The following KIF21A variants were observed in gnomAD, a reference collection of about 807,000 sequenced individuals.
KIF21A encodes the protein kinesin family member 21A, also known as kinesin-like protein KIF21A.
KIF21A carries 114 observed loss-of-function variants against 202.9 expected under a neutral mutation model. The ratio of observed to expected loss-of-function variants is 0.56; its 90% CI spans 0.48 to 0.66. The LOEUF is 0.66. KIF21A is among the 30% of genes least tolerant of loss of function. The pLI is 0.00. For missense variants in KIF21A, 1,677 were observed against 1,994.9 expected (o/e 0.84, Z 3.04); for synonymous variants, 667 against 670.8 (o/e 0.99, Z 0.09).
At chr12:39,398,214 ATTGAATCTTGGT>A (rs1397427277) in intron 1 of KIF21A, among the ~76,000 whole-genome samples, 7 of 152,248 alleles carry the variant, frequency 4.6e-5, no homozygotes, top group Non-Finnish European at 1.0e-4. Context: ...GAGAAAGGCC[ATTGAATCTTGGT>A]TTCAAGTGGC....
chr12:39,424,374 T>A (rs1275890313), intron 1 of KIF21A, among the ~76,000 whole-genome samples: 1 of 152,160 alleles, frequency 6.6e-6, no homozygotes, highest in Non-Finnish European at 1.5e-5. Flanking sequence ...TCTTTCCCCA[T>A]AAGTCTTCTC....
intron 1 of KIF21A, among the ~76,000 whole-genome samples, chr12:39,428,728 GGT>G (rs966078072): frequency 6.6e-6 from 1 of 152,142 alleles, no homozygotes; most frequent in African/African-American, 2.4e-5. Context: ...GGGAGGCCGA[GGT>G]GGGCGGATCA....
intron 12 of KIF21A, among the ~76,000 whole-genome samples, chr12:39,345,169 C>T (rs549658483): frequency 9.3e-4 from 141 of 152,314 alleles, no homozygotes; most frequent in Non-Finnish European, 1.7e-3. Context: ...TCTGCTTTTG[C>T]TGTCCTTCAG....
intron 33 of KIF21A, among the ~76,000 whole-genome samples, chr12:39,308,135 A>T (rs1943655051): frequency 6.6e-6 from 1 of 152,048 alleles, no homozygotes; most frequent in African/African-American, 2.4e-5. Flanking sequence ...TTGGAGGCTG[A>T]GGTGGGTGGA....
At chr12:39,371,743 A>G (rs1198056807) in intron 1 of KIF21A, among the ~76,000 whole-genome samples, 2 of 152,118 alleles carry the variant, frequency 1.3e-5, no homozygotes, top group Non-Finnish European at 2.9e-5. Flanking sequence ...CAGCCTGGCC[A>G]ACATGGTGAA....
At position 39,351,848 on chromosome 12, in the gene KIF21A, G is replaced by T. The variant is rs1469382337; in HGVS notation, c.1602C>A (p.Thr534=). 6.2e-7 allele frequency: 1 copy of T among 1,607,350 alleles called. No individual in the cohort carries two copies. Among genetic ancestry groups the T allele is most frequent in the Non-Finnish European group, 8.5e-7 (1 of 1,174,580 alleles). Residue 534 remains threonine (T), a synonymous_variant, in exon 11 of 38, where the codon ACC becomes ACA. Coordinates refer to ENST00000361418, the MANE Select transcript of KIF21A (RefSeq NM_001173464.2). The part of the protein sequence containing the change: ...SPTILSSDKE[T]IEIIDLAKKD... ...TTTTTGCTAGGTCTATAATTTCAAT[G>T]GTTTCTTTGTCTGAGGATAGTATGG...
At chr12:39,295,344 T>C (rs1256271778) in intron 37 of KIF21A, among the ~76,000 whole-genome samples, 1 of 152,190 alleles carries the variant, frequency 6.6e-6, no homozygotes. Flanking sequence ...GTTAAAGAAA[T>C]GTTTCTTTTT....
At chr12:39,300,373 C>T (rs1052583686) in intron 37 of KIF21A, among the ~76,000 whole-genome samples, 2 of 151,666 alleles carry the variant, frequency 1.3e-5, no homozygotes, top group African/African-American at 2.4e-5. Flanking sequence ...AAGGTAAGCA[C>T]GTTAGAAAAA....
chr12:39,440,450 T>C (rs1331460489), intron 1 of KIF21A, among the ~76,000 whole-genome samples: 4 of 152,192 alleles, frequency 2.6e-5, no homozygotes, highest in Admixed American at 2.6e-4. Flanking sequence ...AGTCACAGAT[T>C]GTTATGAGGA....
At chr12:39,316,033 AC>A in intron 29 of KIF21A, 63 bp from the exon 30 acceptor site, 1 of 1,111,576 alleles carries the variant, frequency 9.0e-7, no homozygotes, top group Non-Finnish European at 1.4e-6. Context: ...AAGGACACTG[AC>A]TTTGGACTCA....
intron 33 of KIF21A, among the ~76,000 whole-genome samples, chr12:39,308,249 G>A (rs141375185): frequency 0.011 from 1,667 of 151,854 alleles, 40 homozygotes; most frequent in African/African-American, 0.036. Flanking sequence ...TTAGCTGGGG[G>A]TGGTGGTGCG....
chr12:39,360,527 C>T lies in KIF21A; in HGVS notation c.1020-2154G>A, dbSNP rs193043298. 1.0e-3 allele frequency among the ~76,000 whole-genome samples: 159 copies of T among 152,008 alleles called. 2 individuals are homozygous for T. The East Asian group carries it at 0.029, about 27-fold the overall frequency. ...GCCTCAGCCTCCCAAGTAGCTGTGA[C>T]TACAGGTGCCCACCACCATGCCCAG... On this transcript the variant is annotated intron_variant, in intron 7 of 37. Transcript: ENST00000361418.
chr12:39,416,813 G>GTA (rs531554239), intron 1 of KIF21A, among the ~76,000 whole-genome samples: 7,544 of 98,286 alleles, frequency 0.077, 997 homozygotes, highest in African/African-American at 0.17. Context: ...ATATATATGT[G>GTA]TGTATATATG....
intron 1 of KIF21A, among the ~76,000 whole-genome samples, chr12:39,400,038 C>G (rs1273304611): frequency 3.9e-5 from 6 of 152,182 alleles, no homozygotes; most frequent in African/African-American, 9.7e-5. Context: ...CGACACAAAG[C>G]TCTTTGCTAA....
At position 39,442,914 on chromosome 12, in the gene KIF21A, A is replaced by C. The variant is rs1048789833; in HGVS notation, c.44+13T>G. The C allele has an allele frequency of 5.9e-6, 9 of 1,524,392 alleles. No individual in the cohort carries two copies. The highest frequency in any genetic ancestry group is 1.2e-5 in the South Asian group (1 of 83,098). 94.4% of individuals were successfully genotyped at this position (1,524,392 alleles called of 1,614,324 possible). ...CCGCCGCCCGCCGCCCGCCGCCGGC[A>C]GACTGTCCTCACCTGACAGCCACCC... On this transcript the variant is annotated intron_variant, in intron 1 of 37. Coordinates refer to ENST00000361418, the MANE Select transcript of KIF21A (RefSeq NM_001173464.2). This position sits in a 1 kb window ranked among gnomAD's most constrained non-coding sequence, Gnocchi z 5.0.
At position 39,322,755 on chromosome 12, in the gene KIF21A, A is replaced by T; in HGVS notation, c.3584T>A (p.Ile1195Asn). The T allele has an allele frequency of 6.2e-7, 1 of 1,614,130 alleles. No individual in the cohort carries two copies. Among genetic ancestry groups the T allele is most frequent in the Non-Finnish European group, 8.5e-7 (1 of 1,180,018 alleles). ...ACCACTTGTCTCTGTATTCATTCCA[A>T]TCTCTTGCCCTTCTGCAACAGGTGT... ...PLTPVAEGQE[I>N]GMNTETSGTS... is the part of the protein sequence containing the mutation. Residue 1195 changes from isoleucine (I) to asparagine (N), a missense_variant, in exon 27 of 38, where the codon ATT becomes AAT. By Grantham distance (149) the Ile-to-Asn change is moderately radical (BLOSUM62 -3). Coordinates refer to ENST00000361418, the MANE Select transcript of KIF21A (RefSeq NM_001173464.2).
At chr12:39,409,953 T>C (rs566317437) in intron 1 of KIF21A, among the ~76,000 whole-genome samples, 4 of 151,998 alleles carry the variant, frequency 2.6e-5, no homozygotes, top group Non-Finnish European at 5.9e-5. Context: ...CACCTCAGCT[T>C]CCCAAGCAGC....
intron 24 of KIF21A, 138 bp downstream of exon 24, chr12:39,330,104 T>C (rs1946378089): frequency 1.3e-6 from 1 of 741,450 alleles, no homozygotes; most frequent in African/African-American, 1.7e-5. Flanking sequence ...TGGGCATGGA[T>C]ACATTTCAAA....
At chr12:39,376,534 C>T (rs1390891572) in intron 1 of KIF21A, among the ~76,000 whole-genome samples, 2 of 152,072 alleles carry the variant, frequency 1.3e-5, no homozygotes, top group African/African-American at 4.8e-5. Context: ...TTATACTGAA[C>T]TAAACTGAAT....
Sources: gnomAD v4.1 joint callset for allele counts (sites outside exome capture counted in the v4.1 genomes callset) on GRCh38, gnomAD v4.1.1 for gene constraint, Gnocchi (gnomAD v3.1) non-coding constraint, MANE v1.5 for transcripts, NCBI Gene and HGNC (gene_info 2026-07-23, HGNC 2026-07-21) for gene names.